TARP: variants seen among roughly 807,000 people sequenced by gnomAD.
At chr7:38,260,923 C>A in the TARP span, among the ~76,000 whole-genome samples, 62 of 151,818 alleles carry the variant, frequency 4.1e-4, no homozygotes, top group East Asian at 8.9e-3. Flanking sequence ...GGCTAGAGCC[C>A]ATGCTTCTAG....
the TARP span, among the ~76,000 whole-genome samples, chr7:38,272,344 A>T: frequency 4.0e-4 from 60 of 149,988 alleles, no homozygotes; most frequent in African/African-American, 1.4e-3. Flanking sequence ...TATAACATCC[A>T]CTTTAGATAA....
the TARP span, among the ~76,000 whole-genome samples, chr7:38,269,711 G>T: frequency 6.6e-6 from 1 of 151,852 alleles, no homozygotes; most frequent in Non-Finnish European, 1.5e-5. Flanking sequence ...TGTTTTATTT[G>T]TCTAAAAACA....
chr7:38,260,345 A>G, the TARP span: 1 of 738,104 alleles, frequency 1.4e-6, no homozygotes, highest in Non-Finnish European at 2.1e-6. Flanking sequence ...CACCACCAAA[A>G]CCTAAAAGTA....
the TARP span, among the ~76,000 whole-genome samples, chr7:38,270,823 C>T: frequency 6.6e-6 from 1 of 150,922 alleles, no homozygotes; most frequent in East Asian, 1.9e-4. Context: ...TTTTTCATGA[C>T]CATTCCTTTC....
chr7:38,264,805 A>T, the TARP span, among the ~76,000 whole-genome samples: 5 of 151,612 alleles, frequency 3.3e-5, no homozygotes, highest in Admixed American at 3.3e-4. Context: ...CAGCAAAGGA[A>T]ATAGAAAATT....
chr7:38,262,231 G>A, the TARP span: 14,453 of 1,599,736 alleles, frequency 9.0e-3, 80 homozygotes, highest in Non-Finnish European at 0.011. Context: ...AGAAGAATGA[G>A]AGCAAGTACT....
the TARP span, among the ~76,000 whole-genome samples, chr7:38,268,214 A>G: frequency 6.6e-6 from 1 of 151,410 alleles, no homozygotes; most frequent in Non-Finnish European, 1.5e-5. Flanking sequence ...AAAATAATAA[A>G]TAAAATTTAT....
the TARP span, among the ~76,000 whole-genome samples, chr7:38,263,764 C>T: frequency 4.0e-5 from 6 of 151,688 alleles, no homozygotes; most frequent in East Asian, 1.9e-4. Flanking sequence ...CTTGTCTATA[C>T]GGATATGATT....
At chr7:38,266,221 G>T in the TARP span, among the ~76,000 whole-genome samples, 6 of 151,284 alleles carry the variant, frequency 4.0e-5, no homozygotes, top group Non-Finnish European at 8.8e-5. Context: ...CTGCAATTTC[G>T]TGTACTCCCA....
chr7:38,270,057 A>G, the TARP span, among the ~76,000 whole-genome samples: 4 of 151,952 alleles, frequency 2.6e-5, no homozygotes, highest in Non-Finnish European at 5.9e-5. Context: ...AGAATTGATC[A>G]CACCACTGCA....
chr7:38,263,788 T>A, the TARP span, among the ~76,000 whole-genome samples: 22 of 151,892 alleles, frequency 1.4e-4, no homozygotes, highest in Non-Finnish European at 2.8e-4. Context: ...GTGCGCAATT[T>A]TATGCACTCA....
chr7:38,269,740 T>C, the TARP span, among the ~76,000 whole-genome samples: 1 of 151,952 alleles, frequency 6.6e-6, no homozygotes, highest in African/African-American at 2.4e-5. Flanking sequence ...TCAAAATCAG[T>C]TCAACATCGC....
the TARP span, among the ~76,000 whole-genome samples, chr7:38,272,107 G>A: frequency 6.6e-6 from 1 of 150,960 alleles, no homozygotes; most frequent in African/African-American, 2.4e-5. Flanking sequence ...TTAGAAGCAG[G>A]TACAATTAGT....
chr7:38,269,358 T>C, the TARP span: 1 of 598,286 alleles, frequency 1.7e-6, no homozygotes, highest in African/African-American at 1.9e-5. Flanking sequence ...TGTTTTAAAG[T>C]CTCTCCTAAG....
chr7:38,272,409 T>A, the TARP span, among the ~76,000 whole-genome samples: 2 of 147,718 alleles, frequency 1.4e-5, no homozygotes, highest in Admixed American at 7.0e-5. Flanking sequence ...AGTTTCAACT[T>A]TGTTCTGGTA....
the TARP span, chr7:38,273,489 G>C: frequency 9.9e-7 from 1 of 1,005,322 alleles, no homozygotes; most frequent in Middle Eastern, 2.1e-4. Context: ...ATTTCACCAT[G>C]ATTAGTGACC....
the TARP span, chr7:38,265,436 G>A: frequency 6.2e-7 from 1 of 1,611,726 alleles, no homozygotes; most frequent in East Asian, 2.2e-5. Context: ...TCTTTGTCCA[G>A]TGACTTTTCT....
chr7:38,272,161 T>C, the TARP span, among the ~76,000 whole-genome samples: 1 of 151,214 alleles, frequency 6.6e-6, no homozygotes, highest in Non-Finnish European at 1.5e-5. Context: ...ATATTTGTTC[T>C]GAAGTGAGCT....
the TARP span, among the ~76,000 whole-genome samples, chr7:38,270,375 C>G: frequency 6.6e-6 from 1 of 151,694 alleles, no homozygotes; most frequent in African/African-American, 2.4e-5. Context: ...AGAAACATGG[C>G]TTTCACACGC....
Sources: gnomAD v4.1 joint callset for allele counts (sites outside exome capture counted in the v4.1 genomes callset) on GRCh38, gnomAD v4.1.1 for gene constraint, MANE v1.5 for transcripts.